ANKRD45: variants seen among roughly 807,000 people sequenced by gnomAD.
ANKRD45 encodes the protein ankyrin repeat domain 45.
Under a neutral mutation model 28.1 loss-of-function variants are expected in ANKRD45, and 21 were observed. The observed-to-expected ratio is 0.75, with a 90% confidence interval of 0.53 to 1.08. ANKRD45 has a LOEUF of 1.08. ANKRD45 is among the 50% of genes least tolerant of loss of function. The pLI is 0.00. For missense variants in ANKRD45, 261 were observed against 308.7 expected (o/e 0.85, Z 1.16); for synonymous variants, 86 against 103.9 (o/e 0.83, Z 1.05).
chr1:173,668,532 A>G (rs1267539796), intron 1 of ANKRD45, among the ~76,000 whole-genome samples: 1 of 152,238 alleles, frequency 6.6e-6, no homozygotes, highest in Non-Finnish European at 1.5e-5. Context: ...ACCCGTCCCC[A>G]TAACTGATTC....
rs762411561 is a variant in ANKRD45, at chr1:173,627,145, G to A, written c.511C>T (p.Leu171=). 1 of 1,611,676 alleles carries A rather than the reference G, an allele frequency of 6.2e-7. No homozygotes were observed. Among genetic ancestry groups the A allele is most frequent in the Non-Finnish European group, 8.5e-7 (1 of 1,178,950 alleles). The change falls in exon 4 of 6, where the codon CTG becomes TTG. Residue 171 remains leucine (L), a synonymous_variant. Transcript: ENST00000333279. ...FLDWADARLT[L]KKYIAKVSLA... ...GAGACTTTTGCAATATATTTTTTCA[G>A]AGTCAGCCTTGCATCTGAAAGAATG...
chr1:173,688,434 C>G, the ANKRD45 span, among the ~76,000 whole-genome samples: 1 of 148,420 alleles, frequency 6.7e-6, no homozygotes, highest in African/African-American at 2.5e-5. Context: ...CTCTTCCTCT[C>G]TCTCTCTGCC....
At chr1:173,712,854 G>T in the ANKRD45 span, among the ~76,000 whole-genome samples, 1,805 of 152,306 alleles carry the variant, frequency 0.012, 46 homozygotes, top group African/African-American at 0.042. Context: ...ATCACCTGGA[G>T]AACTTGTTAG....
chr1:173,618,249 G>C (rs1159677277), intron 5 of ANKRD45, among the ~76,000 whole-genome samples: 1 of 152,208 alleles, frequency 6.6e-6, no homozygotes, highest in African/African-American at 2.4e-5. Context: ...TCTTCTACAA[G>C]TGACTGCAAC....
At chr1:173,631,556 A>T (rs935546429) in intron 3 of ANKRD45, among the ~76,000 whole-genome samples, 1 of 152,154 alleles carries the variant, frequency 6.6e-6, no homozygotes, top group African/African-American at 2.4e-5. Flanking sequence ...CAGCACATGG[A>T]TCATTCTCAA....
At chr1:173,669,668 T>C in intron 1 of ANKRD45, 149 bp downstream of exon 1, 1 of 368,712 alleles carries the variant, frequency 2.7e-6, no homozygotes, top group South Asian at 2.2e-5. Flanking sequence ...CGCAAAGCTC[T>C]GGACAGAAGC....
At chr1:173,709,317 C>T in the ANKRD45 span, among the ~76,000 whole-genome samples, 1 of 152,216 alleles carries the variant, frequency 6.6e-6, no homozygotes, top group Non-Finnish European at 1.5e-5. Context: ...AGAAGCCTCT[C>T]TCAGTTCCTT....
At chr1:173,636,155 G>A (rs1160106640) in intron 3 of ANKRD45, among the ~76,000 whole-genome samples, 1 of 152,106 alleles carries the variant, frequency 6.6e-6, no homozygotes, top group African/African-American at 2.4e-5. Context: ...GGGTCCTTAG[G>A]TAAGTCATTT....
At chr1:173,711,551 T>C in the ANKRD45 span, among the ~76,000 whole-genome samples, 4 of 152,212 alleles carry the variant, frequency 2.6e-5, no homozygotes, top group South Asian at 2.1e-4. Flanking sequence ...TGACTTTGAA[T>C]AGAATGGGAG....
At chr1:173,682,941 C>T in the ANKRD45 span, among the ~76,000 whole-genome samples, 1 of 149,886 alleles carries the variant, frequency 6.7e-6, no homozygotes, top group African/African-American at 2.5e-5. Context: ...TTGCCTCTCT[C>T]TTTTTTTTTC....
At chr1:173,614,861 G>T (rs1667389613) in intron 5 of ANKRD45, among the ~76,000 whole-genome samples, 3 of 151,890 alleles carry the variant, frequency 2.0e-5, no homozygotes, top group Admixed American at 6.6e-5. Context: ...CTGTTGCCCA[G>T]GCTGGACTGC....
chr1:173,657,813 CTTTTA>C (rs1300299535), intron 2 of ANKRD45: 1 of 151,146 alleles, frequency 6.6e-6, no homozygotes, highest in Non-Finnish European at 1.5e-5. Context: ...AATTATTTTT[CTTTTA>C]TTTTCTTTGG....
At chr1:173,701,830 A>C in the ANKRD45 span, among the ~76,000 whole-genome samples, 1 of 152,056 alleles carries the variant, frequency 6.6e-6, no homozygotes, top group African/African-American at 2.4e-5. Context: ...AATAAATAAA[A>C]ATTTAAAAAT....
At chr1:173,620,201 A>G (rs908804799) in intron 5 of ANKRD45, among the ~76,000 whole-genome samples, 1 of 152,182 alleles carries the variant, frequency 6.6e-6, no homozygotes, top group Non-Finnish European at 1.5e-5. Flanking sequence ...TCACATATGC[A>G]GAAGTAAAAC....
At chr1:173,700,751 C>T in the ANKRD45 span, among the ~76,000 whole-genome samples, 1 of 152,208 alleles carries the variant, frequency 6.6e-6, no homozygotes, top group African/African-American at 2.4e-5. Context: ...CCATTCAGGA[C>T]ATAGGCATGG....
chr1:173,653,633 G>A (rs559844681), intron 2 of ANKRD45, among the ~76,000 whole-genome samples: 8 of 152,288 alleles, frequency 5.3e-5, no homozygotes, highest in South Asian at 2.1e-4. Context: ...GCAGAGCTGA[G>A]TTCAAGTCCT....
the ANKRD45 span, among the ~76,000 whole-genome samples, chr1:173,688,408 C>T: frequency 7.4e-6 from 1 of 135,210 alleles, no homozygotes; most frequent in Non-Finnish European, 1.5e-5. Flanking sequence ...CTCTCTGCCT[C>T]TTCCTCTCTC....
upstream of ANKRD45, among the ~76,000 whole-genome samples, chr1:173,671,257 A>G (rs905012516): frequency 9.9e-5 from 15 of 151,446 alleles, no homozygotes; most frequent in African/African-American, 3.6e-4. Flanking sequence ...GCGGCTTGTC[A>G]CATCTGCAAG....
the ANKRD45 span, among the ~76,000 whole-genome samples, chr1:173,710,591 C>T: frequency 4.6e-5 from 7 of 152,222 alleles, no homozygotes; most frequent in East Asian, 7.7e-4. Context: ...TCACTTGAGG[C>T]GTTCTTCCCA....
Sources: gnomAD v4.1 joint callset for allele counts (sites outside exome capture counted in the v4.1 genomes callset) on GRCh38, gnomAD v4.1.1 for gene constraint, MANE v1.5 for transcripts, NCBI Gene and HGNC (gene_info 2026-07-23, HGNC 2026-07-21) for gene names.